TBC1D12: variants seen among roughly 807,000 people sequenced by gnomAD.
The protein encoded by TBC1D12 is TBC1 domain family, member 12.
TBC1D12 carries 56 observed loss-of-function variants against 86.7 expected under a neutral mutation model. The ratio of observed to expected loss-of-function variants is 0.65; its 90% CI spans 0.52 to 0.81. The LOEUF is 0.81. TBC1D12 is among the 30% of genes least tolerant of loss of function. The probability of loss-of-function intolerance (pLI) is 0.00; values close to 1 mark genes in which losing one functional copy is unlikely to be tolerated. For missense variants in TBC1D12, 1,023 were observed against 1,038.8 expected (o/e 0.98, Z 0.21); for synonymous variants, 421 against 411.7 (o/e 1.02, Z -0.27).
chr10:94,523,210 A>AAAAAAAAAAAAAAC (rs1842202313), intron 11 of TBC1D12, among the ~76,000 whole-genome samples: 1 of 150,078 alleles, frequency 6.7e-6, no homozygotes, highest in Non-Finnish European at 1.5e-5. Context: ...AAAAAAAAAA[A>AAAAAAAAAAAAAAC]AAAAAAAGAG....
intron 1 of TBC1D12, among the ~76,000 whole-genome samples, chr10:94,409,692 T>C (rs374643900): frequency 8.9e-4 from 135 of 152,318 alleles, no homozygotes; most frequent in African/African-American, 3.2e-3. Flanking sequence ...CATTTTTTAC[T>C]ACACACTTGT....
chr10:94,532,989 A>C (rs368337599), intron 12 of TBC1D12, 39 bp from the exon 13 acceptor site: 1 of 1,154,630 alleles, frequency 8.7e-7, no homozygotes, highest in Non-Finnish European at 1.3e-6. Context: ...TCTGGGTGGT[A>C]GTTTTTGAGG....
intron 2 of TBC1D12, 63 bp downstream of exon 2, chr10:94,442,082 CTTTT>C (rs78976375): frequency 0.027 from 32,189 of 1,185,450 alleles, 1 homozygote; most frequent in South Asian, 0.06. Flanking sequence ...TCTTCTTCTT[CTTTT>C]TTTTTTTTTT....
intron 6 of TBC1D12, among the ~76,000 whole-genome samples, chr10:94,502,011 A>G (rs1589662398): frequency 6.6e-6 from 1 of 151,970 alleles, no homozygotes; most frequent in Non-Finnish European, 1.5e-5. Context: ...ACAGGGCTAC[A>G]GAGCACGACT....
intron 6 of TBC1D12, among the ~76,000 whole-genome samples, chr10:94,506,822 T>A (rs2056466164): frequency 6.6e-6 from 1 of 152,162 alleles, no homozygotes. Flanking sequence ...TTTACATATA[T>A]TATTTAATCA....
At chr10:94,437,842 T>C (rs1265459504) in intron 1 of TBC1D12, among the ~76,000 whole-genome samples, 1 of 151,994 alleles carries the variant, frequency 6.6e-6, no homozygotes, top group African/African-American at 2.4e-5. Context: ...ATTTTAGTTG[T>C]TTTTCAGCTC....
chr10:94,488,386 C>CTTTTTTTTTTTTTTTT (rs770258959), intron 3 of TBC1D12, among the ~76,000 whole-genome samples: 2 of 74,794 alleles, frequency 2.7e-5, no homozygotes, highest in African/African-American at 5.5e-5. Flanking sequence ...CCCAAGGGGT[C>CTTTTTTTTTTTTTTTT]TTTTTTTTTT....
intron 4 of TBC1D12, 28 bp downstream of exon 4, chr10:94,493,475 A>AT: frequency 6.7e-7 from 1 of 1,490,230 alleles, no homozygotes; most frequent in Non-Finnish European, 9.3e-7. Flanking sequence ...AAATGGTATA[A>AT]TTTTCTGATT....
At position 94,500,226 on chromosome 10, in the gene TBC1D12, G is replaced by A. The variant is rs776974561; in HGVS notation, c.1418G>A (p.Ser473Asn). Residue 473 changes from serine to asparagine, a missense_variant, in exon 6 of 13, where the codon AGT becomes AAT. Coordinates refer to ENST00000225235, the MANE Select transcript of TBC1D12 (RefSeq NM_015188.2). ...TTCTCCTCCTTTAATTCTAGGCGTAGTACAAGAAGAGTTCGAGAATTGTGG... is the reference window on the plus strand; with the variant it reads ...TTCTCCTCCTTTAATTCTAGGCGTAATACAAGAAGAGTTCGAGAATTGTGG... Reference protein sequence around the residue: ...EILPNWEVMRSTRRVRELWWQ... With the variant: ...EILPNWEVMRNTRRVRELWWQ... 4 of 1,613,470 alleles carry A rather than the reference G, an allele frequency of 2.5e-6. No homozygotes were observed. The East Asian group carries it at 8.9e-5, about 36-fold the overall frequency.
chr10:94,456,293 A>G (rs974800449), intron 2 of TBC1D12, among the ~76,000 whole-genome samples: 2 of 152,006 alleles, frequency 1.3e-5, no homozygotes, highest in African/African-American at 4.8e-5. Context: ...TTCTTTTCTC[A>G]TGTATTCATT....
intron 11 of TBC1D12, among the ~76,000 whole-genome samples, chr10:94,526,975 G>T (rs1460478300): frequency 1.3e-5 from 2 of 152,144 alleles, no homozygotes; most frequent in Non-Finnish European, 2.9e-5. Context: ...GCATTTCCCT[G>T]ATGCTTAATT....
chr10:94,522,354 A>C lies in TBC1D12; in HGVS notation c.1901A>C (p.Tyr634Ser). The change falls in exon 11 of 13, where the codon TAT becomes TCT. Residue 634 changes from tyrosine to serine, a missense_variant. Physicochemically the swap from Tyr to Ser is moderately radical, Grantham distance 144. Coordinates refer to ENST00000225235, the MANE Select transcript of TBC1D12 (RefSeq NM_015188.2). ...TTTTTTAATCTTTAGATGTTGAAATATTTTGCAACATTTGAAGTATTCTTT... is the reference window on the plus strand; with the variant it reads ...TTTTTTAATCTTTAGATGTTGAAATCTTTTGCAACATTTGAAGTATTCTTT... ...FRVDHSMMLK[Y>S]FATFEVFFEE... 1 of 1,407,608 alleles carries C rather than the reference A, an allele frequency of 7.1e-7. No homozygotes were observed. Among genetic ancestry groups the C allele is most frequent in the Non-Finnish European group, 9.7e-7 (1 of 1,034,798 alleles). 87.2% of individuals were successfully genotyped at this position (1,407,608 alleles called of 1,614,324 possible). A position where few individuals can be genotyped will look rare whatever the true frequency, so the allele number is the denominator to read the frequency against.
chr10:94,436,132 G>A (rs1397084509), intron 1 of TBC1D12, among the ~76,000 whole-genome samples: 1 of 151,302 alleles, frequency 6.6e-6, no homozygotes, highest in African/African-American at 2.4e-5. Context: ...TCTTATTTTG[G>A]GTCCTTTATT....
intron 2 of TBC1D12, among the ~76,000 whole-genome samples, chr10:94,455,656 G>A (rs1369799009): frequency 6.6e-6 from 1 of 152,232 alleles, no homozygotes; most frequent in Non-Finnish European, 1.5e-5. Context: ...TAAGCCAGGT[G>A]TGGTGGCTCA....
intron 1 of TBC1D12, among the ~76,000 whole-genome samples, chr10:94,404,082 C>G (rs2054817142): frequency 6.6e-6 from 1 of 152,138 alleles, no homozygotes; most frequent in African/African-American, 2.4e-5. Context: ...GCTGTGCTTG[C>G]ATAGCGTCTA....
intron 9 of TBC1D12, 87 bp downstream of exon 9, chr10:94,511,741 A>G: frequency 3.3e-6 from 3 of 900,306 alleles, no homozygotes; most frequent in South Asian, 1.5e-5. Flanking sequence ...TTAGCTCCCA[A>G]ATGTCTGTAT....
chr10:94,493,021 G>A (rs1271076145), intron 3 of TBC1D12, among the ~76,000 whole-genome samples: 1 of 152,110 alleles, frequency 6.6e-6, no homozygotes, highest in Non-Finnish European at 1.5e-5. Context: ...ACTTTGGGAG[G>A]CTGAGTCAGG....
intron 5 of TBC1D12, among the ~76,000 whole-genome samples, chr10:94,499,309 C>T (rs951159808): frequency 8.5e-5 from 13 of 152,178 alleles, no homozygotes; most frequent in African/African-American, 3.1e-4. Context: ...TCTCACCTTT[C>T]TCCATTCACT....
At chr10:94,499,886 T>C (rs1367321941) in intron 5 of TBC1D12, among the ~76,000 whole-genome samples, 1 of 152,198 alleles carries the variant, frequency 6.6e-6, no homozygotes, top group African/African-American at 2.4e-5. Context: ...GATTCTTGGT[T>C]GTTTTGTTTT....
Sources: gnomAD v4.1 joint callset for allele counts (sites outside exome capture counted in the v4.1 genomes callset) on GRCh38, gnomAD v4.1.1 for gene constraint, MANE v1.5 for transcripts, NCBI Gene and HGNC (gene_info 2026-07-23, HGNC 2026-07-21) for gene names.